The following INPP4B variants were observed in gnomAD, a reference collection of about 807,000 sequenced individuals.
INPP4B encodes inositol polyphosphate 4-phosphatase type II.
Under a neutral mutation model 122.5 loss-of-function variants are expected in INPP4B, and 55 were observed. The observed-to-expected ratio is 0.45, with a 90% CI of 0.36 to 0.56. The LOEUF is 0.56. Ranked by LOEUF, INPP4B falls within the 20% of genes least tolerant of loss-of-function variation. The pLI, the probability that INPP4B is intolerant of heterozygous loss-of-function variation, is 0.00. For synonymous variants in INPP4B, 403 were observed against 388.7 expected, an observed-to-expected ratio of 1.04 and a Z score of -0.43; for missense variants, 1,000 against 1,097.7, an observed-to-expected ratio of 0.91 and a Z score of 1.26.
At chr4:142,317,034 C>T (rs1767978445) in intron 7 of INPP4B, among the ~76,000 whole-genome samples, 1 of 152,044 alleles carries the variant, frequency 6.6e-6, no homozygotes, top group Non-Finnish European at 1.5e-5. Context: ...TTCCTGTGGG[C>T]ATTTAGAATG....
chr4:142,315,440 TA>T (rs1256025846), intron 7 of INPP4B, among the ~76,000 whole-genome samples: 4 of 152,102 alleles, frequency 2.6e-5, no homozygotes, highest in Non-Finnish European at 4.4e-5. Flanking sequence ...AAAGGTGTTC[TA>T]GCTGAAACAC....
chr4:142,310,478 A>T (rs1184780138), intron 8 of INPP4B, among the ~76,000 whole-genome samples: 1 of 152,204 alleles, frequency 6.6e-6, no homozygotes, highest in African/African-American at 2.4e-5. Flanking sequence ...TGTGACATAC[A>T]TTATATCCAT....
At chr4:142,670,444 C>T (rs1413765297) in intron 2 of INPP4B, among the ~76,000 whole-genome samples, 1 of 152,052 alleles carries the variant, frequency 6.6e-6, no homozygotes, top group Non-Finnish European at 1.5e-5. Context: ...TGGTATTATA[C>T]ACAATGATAT....
intron 2 of INPP4B, among the ~76,000 whole-genome samples, chr4:142,720,807 C>CTATATATA (rs1462805409): frequency 8.7e-4 from 12 of 13,738 alleles, no homozygotes; most frequent in Non-Finnish European, 1.0e-3. Flanking sequence ...CTCTCTCTCT[C>CTATATATA]TCTATATATA....
At chr4:142,469,540 T>A (rs919773086) in intron 2 of INPP4B, among the ~76,000 whole-genome samples, 1 of 152,090 alleles carries the variant, frequency 6.6e-6, no homozygotes, top group African/African-American at 2.4e-5. Flanking sequence ...TTCTAGATCA[T>A]AAAGAATATT....
At chr4:142,070,364 A>G (rs573908216) in intron 25 of INPP4B, among the ~76,000 whole-genome samples, 1 of 152,278 alleles carries the variant, frequency 6.6e-6, no homozygotes, top group East Asian at 1.9e-4. Flanking sequence ...TTTATGACAA[A>G]CCTACAGCCA....
chr4:142,695,183 G>C (rs892371672), intron 2 of INPP4B, among the ~76,000 whole-genome samples: 1 of 151,900 alleles, frequency 6.6e-6, no homozygotes, highest in African/African-American at 2.4e-5. Context: ...TTCCCTTATG[G>C]AGACATCAAG....
At chr4:142,046,335 C>A (rs149449185) in intron 25 of INPP4B, among the ~76,000 whole-genome samples, 2 of 152,162 alleles carry the variant, frequency 1.3e-5, no homozygotes, top group East Asian at 1.9e-4. Context: ...CAACTACAAT[C>A]GAAGACAGTG....
intron 2 of INPP4B, among the ~76,000 whole-genome samples, chr4:142,492,156 TG>T (rs1395566701): frequency 6.6e-6 from 1 of 152,138 alleles, no homozygotes; most frequent in Non-Finnish European, 1.5e-5. Context: ...AGGATGTGTT[TG>T]CTTCCACTTC....
intron 2 of INPP4B, among the ~76,000 whole-genome samples, chr4:142,553,156 T>G (rs1728375903): frequency 6.6e-6 from 1 of 152,172 alleles, no homozygotes; most frequent in Non-Finnish European, 1.5e-5. Context: ...TTCCCTTACT[T>G]GGCCCTTCAA....
At chr4:142,781,377 T>G (rs745472672) in intron 1 of INPP4B, among the ~76,000 whole-genome samples, 1 of 152,218 alleles carries the variant, frequency 6.6e-6, no homozygotes, top group African/African-American at 2.4e-5. Context: ...CTGGTTGTAC[T>G]GCTGAGAACA....
At chr4:142,639,833 C>A (rs1160970053) in intron 2 of INPP4B, among the ~76,000 whole-genome samples, 1 of 152,098 alleles carries the variant, frequency 6.6e-6, no homozygotes, top group African/African-American at 2.4e-5. Context: ...AGAGGCGGAT[C>A]ATTGCTGGTC....
chr4:142,048,464 G>T (rs1282076853), intron 25 of INPP4B, among the ~76,000 whole-genome samples: 2 of 152,016 alleles, frequency 1.3e-5, no homozygotes, highest in African/African-American at 2.4e-5. Context: ...GTCCCAGAAG[G>T]ATTTACATGG....
At chr4:142,160,649 C>A (rs1284171451) in intron 16 of INPP4B, 88 bp from the exon 17 acceptor site, 2 of 927,050 alleles carry the variant, frequency 2.2e-6, no homozygotes, top group African/African-American at 1.6e-5. Context: ...TTTGTTGGTA[C>A]TTAAGTGGTG....
At chr4:142,770,559 T>C (rs954295053) in intron 1 of INPP4B, among the ~76,000 whole-genome samples, 4 of 152,088 alleles carry the variant, frequency 2.6e-5, no homozygotes, top group African/African-American at 7.2e-5. Flanking sequence ...ATTCTTTCAT[T>C]AGGCAAGTAC....
chr4:142,283,581 C>A (rs149783720), intron 9 of INPP4B, among the ~76,000 whole-genome samples: 2 of 151,988 alleles, frequency 1.3e-5, no homozygotes, highest in Non-Finnish European at 2.9e-5. Context: ...TGCTCCTAGG[C>A]TAAAAAGCTG....
chr4:142,400,097 G>A (rs568293977), intron 7 of INPP4B, among the ~76,000 whole-genome samples: 1 of 152,320 alleles, frequency 6.6e-6, no homozygotes, highest in Admixed American at 6.5e-5. Flanking sequence ...CAAGAGCACA[G>A]AGAAAAGGCC....
At chr4:142,105,715 A>G (rs1336673890) in intron 23 of INPP4B, among the ~76,000 whole-genome samples, 2 of 152,190 alleles carry the variant, frequency 1.3e-5, no homozygotes, top group African/African-American at 4.8e-5. Context: ...GAATCAGTAA[A>G]TTAATAGTCA....
At chr4:142,316,655 G>A (rs1405819504) in intron 7 of INPP4B, among the ~76,000 whole-genome samples, 1 of 151,944 alleles carries the variant, frequency 6.6e-6, no homozygotes, top group African/African-American at 2.4e-5. Flanking sequence ...TACAAATAAA[G>A]TGAAAAGAAA....
Sources: gnomAD v4.1 joint callset for allele counts (sites outside exome capture counted in the v4.1 genomes callset) on GRCh38, gnomAD v4.1.1 for gene constraint, MANE v1.5 for transcripts, NCBI Gene and HGNC (gene_info 2026-07-23, HGNC 2026-07-21) for gene names.